The following BANK1 variants were observed in gnomAD, a reference collection of about 807,000 sequenced individuals.
The protein encoded by BANK1 is B-cell scaffold protein with ankyrin repeats.
A neutral mutation model predicts 94.5 loss-of-function variants in BANK1; 95 were observed. The ratio of observed to expected loss-of-function variants is 1.00; its 90% CI spans 0.85 to 1.19. The LOEUF is 1.19. Ranked by LOEUF, BANK1 falls within the 50% of genes most tolerant of loss-of-function variation. The pLI is 0.00. For missense variants in BANK1, 987 were observed against 932.2 expected, an observed-to-expected ratio of 1.06 and a Z score of -0.77; for synonymous variants, 334 against 308.4, an observed-to-expected ratio of 1.08 and a Z score of -0.87.
At chr4:101,931,456 C>T (rs1315013991) in intron 7 of BANK1, among the ~76,000 whole-genome samples, 1 of 151,464 alleles carries the variant, frequency 6.6e-6, no homozygotes, top group East Asian at 1.9e-4. Context: ...TGGACTAGAA[C>T]TATACCATGG....
At chr4:101,798,225 G>A (rs909555834) in intron 1 of BANK1, among the ~76,000 whole-genome samples, 5 of 152,156 alleles carry the variant, frequency 3.3e-5, no homozygotes, top group Non-Finnish European at 7.3e-5. Context: ...GTGGAAGAAG[G>A]TAAGGTGATG....
chr4:102,061,922 C>A (rs971900094), intron 12 of BANK1: 6 of 152,070 alleles, frequency 3.9e-5, no homozygotes, highest in African/African-American at 1.4e-4. Flanking sequence ...CCATAAGCAA[C>A]AAAGTTTAAT....
rs1560714730 is a variant in BANK1, at chr4:102,060,412, T to C, written c.2148+23T>C. ...CAGGTAATATTGGCCCAGTGTTTTC[T>C]GGGACATTCCCTCACTTGTGGAGCC... On this transcript the variant is annotated intron_variant, in intron 12 of 16. Coordinates refer to ENST00000322953, the MANE Select transcript of BANK1 (RefSeq NM_017935.5). The C allele has an allele frequency of 3.8e-6, 6 of 1,584,486 alleles. No individual in the cohort carries two copies. The East Asian group carries it at 1.4e-4, about 37-fold the overall frequency.
intron 7 of BANK1, among the ~76,000 whole-genome samples, chr4:102,020,882 A>C (rs1292810976): frequency 1.3e-5 from 2 of 152,174 alleles, no homozygotes; most frequent in Non-Finnish European, 2.9e-5. Context: ...TCTGAGCACC[A>C]GTATGCACCA....
chr4:102,022,368 C>T (rs918623421), intron 8 of BANK1, among the ~76,000 whole-genome samples: 2 of 152,124 alleles, frequency 1.3e-5, no homozygotes, highest in African/African-American at 4.8e-5. Flanking sequence ...ACTTTCTCTC[C>T]TACCCCATAT....
At chr4:101,850,400 T>C (rs1727429218) in intron 2 of BANK1, among the ~76,000 whole-genome samples, 1 of 151,942 alleles carries the variant, frequency 6.6e-6, no homozygotes, top group East Asian at 1.9e-4. Context: ...GCCTCCCAAG[T>C]AGCTGGGATT....
chr4:101,888,911 C>T (rs1283736525), intron 5 of BANK1, among the ~76,000 whole-genome samples: 1 of 152,154 alleles, frequency 6.6e-6, no homozygotes. Context: ...CTTTCAAATA[C>T]AGCCTCTCGA....
At chr4:101,792,720 C>T (rs1725040326) in intron 1 of BANK1, among the ~76,000 whole-genome samples, 1 of 151,956 alleles carries the variant, frequency 6.6e-6, no homozygotes, top group African/African-American at 2.4e-5. Context: ...GTTTCATGCC[C>T]AGGAAGGTAT....
At chr4:102,042,374 A>T (rs1480713719) in intron 10 of BANK1, among the ~76,000 whole-genome samples, 1 of 152,026 alleles carries the variant, frequency 6.6e-6, no homozygotes, top group Non-Finnish European at 1.5e-5. Flanking sequence ...TGAAGCAGAA[A>T]ACTGGTTTTC....
chr4:101,977,970 T>A (rs1725191597), intron 7 of BANK1, among the ~76,000 whole-genome samples: 1 of 151,936 alleles, frequency 6.6e-6, no homozygotes, highest in Non-Finnish European at 1.5e-5. Flanking sequence ...TTTGTTTGTT[T>A]GTTTGTTTTT....
intron 1 of BANK1, among the ~76,000 whole-genome samples, chr4:101,803,461 T>G (rs569829361): frequency 6.6e-6 from 1 of 152,142 alleles, no homozygotes; most frequent in East Asian, 1.9e-4. Flanking sequence ...AAGTTAGGGT[T>G]GTGCTAGCGA....
At chr4:101,904,553 G>C (rs184995146) in intron 6 of BANK1, among the ~76,000 whole-genome samples, 2 of 152,122 alleles carry the variant, frequency 1.3e-5, no homozygotes, top group Admixed American at 6.5e-5. Context: ...CAGGAACTTT[G>C]TTTTTCCTCT....
chr4:101,967,627 C>T (rs1170230434), intron 7 of BANK1, among the ~76,000 whole-genome samples: 1 of 151,934 alleles, frequency 6.6e-6, no homozygotes, highest in Admixed American at 6.6e-5. Context: ...AAAAACGATG[C>T]TCTGAAGGAT....
At chr4:101,912,053 A>T (rs767422989) in intron 6 of BANK1, among the ~76,000 whole-genome samples, 2 of 152,138 alleles carry the variant, frequency 1.3e-5, no homozygotes, top group Non-Finnish European at 2.9e-5. Context: ...ACACACACAC[A>T]TACACACACA....
At chr4:101,791,543 A>G (rs1266922690) in intron 1 of BANK1, among the ~76,000 whole-genome samples, 1 of 152,216 alleles carries the variant, frequency 6.6e-6, no homozygotes, top group Non-Finnish European at 1.5e-5. Context: ...TTATATTTTC[A>G]AATGGACGTT....
intron 7 of BANK1, among the ~76,000 whole-genome samples, chr4:101,962,306 AG>A (rs1420881010): frequency 2.2e-4 from 33 of 152,214 alleles, no homozygotes; most frequent in Non-Finnish European, 4.1e-4. Flanking sequence ...TGATTCTCTG[AG>A]TCTTTATTCT....
chr4:101,994,619 G>A (rs1040735455), intron 7 of BANK1, among the ~76,000 whole-genome samples: 3 of 152,092 alleles, frequency 2.0e-5, no homozygotes, highest in African/African-American at 7.2e-5. Context: ...GGGCTGATAG[G>A]GGCCTTAGAG....
chr4:101,809,242 G>A (rs1352552432), intron 1 of BANK1, among the ~76,000 whole-genome samples: 3 of 152,084 alleles, frequency 2.0e-5, no homozygotes, highest in East Asian at 1.9e-4. Flanking sequence ...GAAGTAACTC[G>A]GGAATGGAAA....
chr4:101,929,010 G>A (rs1231014352), intron 7 of BANK1, among the ~76,000 whole-genome samples: 1 of 151,596 alleles, frequency 6.6e-6, no homozygotes, highest in Non-Finnish European at 1.5e-5. Flanking sequence ...CCAAAAGATG[G>A]CTACTCATAA....
Sources: gnomAD v4.1 joint callset for allele counts (sites outside exome capture counted in the v4.1 genomes callset) on GRCh38, gnomAD v4.1.1 for gene constraint, MANE v1.5 for transcripts, NCBI Gene and HGNC (gene_info 2026-07-23, HGNC 2026-07-21) for gene names.